Variants in XIRP2 observed in about 807,000 individuals in gnomAD.
XIRP2 encodes the protein xin actin binding repeat containing 2.
In XIRP2, 236 loss-of-function variants were observed where a neutral mutation model predicts 277.0. That is an observed-to-expected ratio of 0.85 (90% CI 0.77 to 0.95). XIRP2 has a LOEUF of 0.95. XIRP2 is among the 40% of genes least tolerant of loss of function. XIRP2 has a pLI of 0.00. For missense variants in XIRP2, 4,640 were observed against 4,157.5 expected (o/e 1.12, Z -3.19); for synonymous variants, 1,490 against 1,416.5 (o/e 1.05, Z -1.17).
In XIRP2 at chr2:167,101,609, T is replaced by C. The variant is rs141848766; in HGVS notation, c.409-34300T>C. ...TCCTGAGTTACTTCACTTCGCATAA[T>C]GGTCTCCAATTCCATCCAGGTTGCT... On this transcript the variant is annotated intron_variant, in intron 2 of 10. Coordinates refer to ENST00000409195, the MANE Select transcript of XIRP2 (RefSeq NM_152381.6). 3.3e-3 allele frequency among the ~76,000 whole-genome samples: 503 copies of C among 152,328 alleles called. 2 individuals are homozygous for C. The highest frequency in any genetic ancestry group is 0.011 in the African/African-American group (475 of 41,586).
At chr2:166,946,435 G>A (rs1485125709) in intron 2 of XIRP2, among the ~76,000 whole-genome samples, 1 of 151,994 alleles carries the variant, frequency 6.6e-6, no homozygotes, top group African/African-American at 2.4e-5. Flanking sequence ...GATTTATTTT[G>A]TTACTCTGAT....
At chr2:167,086,061 G>A (rs1689932247) in intron 2 of XIRP2, among the ~76,000 whole-genome samples, 1 of 152,056 alleles carries the variant, frequency 6.6e-6, no homozygotes, top group Non-Finnish European at 1.5e-5. Context: ...ATTTTGGCAT[G>A]ATTTTGCAGC....
rs962594243 is a variant in XIRP2, at chr2:167,156,024, G to A, written c.562+19962G>A. On this transcript the variant is annotated intron_variant, in intron 3 of 10. Transcript: ENST00000409195. Reference sequence around the variant, plus strand: ...TGCTTCAAAGAGAATAAAATACCTAGGAATCCAACTTACAAGGGATGTGAA... The same window carrying A: ...TGCTTCAAAGAGAATAAAATACCTAAGAATCCAACTTACAAGGGATGTGAA... Among the ~76,000 whole-genome samples the A allele has an allele frequency of 9.3e-5, 14 of 150,320 alleles. 1 individual carries two copies. Among genetic ancestry groups the A allele is most frequent in the African/African-American group, 3.4e-4 (14 of 40,592 alleles).
intron 2 of XIRP2, among the ~76,000 whole-genome samples, chr2:166,974,476 T>C (rs1403285094): frequency 6.6e-6 from 1 of 152,074 alleles, no homozygotes; most frequent in Non-Finnish European, 1.5e-5. Flanking sequence ...TATACACATA[T>C]ATACATCTAT....
intron 3 of XIRP2, among the ~76,000 whole-genome samples, chr2:167,148,302 A>T (rs1483172847): frequency 6.6e-6 from 1 of 151,810 alleles, no homozygotes; most frequent in East Asian, 1.9e-4. Flanking sequence ...GAATCGCTTG[A>T]ACTCGGGAGG....
chr2:167,128,989 A>G (rs1691297191), intron 2 of XIRP2, among the ~76,000 whole-genome samples: 1 of 152,212 alleles, frequency 6.6e-6, no homozygotes, highest in African/African-American at 2.4e-5. Context: ...TTCCTGGAGG[A>G]GACTGCACTG....
intron 3 of XIRP2, among the ~76,000 whole-genome samples, chr2:167,183,349 A>G (rs1693069172): frequency 6.6e-6 from 1 of 152,194 alleles, no homozygotes; most frequent in Non-Finnish European, 1.5e-5. Context: ...TCAAGGACAA[A>G]TGCAACAAAG....
At position 166,914,255 on chromosome 2, in the gene XIRP2, T is replaced by C. The variant is rs186811636; in HGVS notation, c.408+10365T>C. Among the ~76,000 whole-genome samples, 13 of 152,326 alleles carry C rather than the reference T, an allele frequency of 8.5e-5. 2 individuals are homozygous for C. In the East Asian group the frequency reaches 2.5e-3, roughly 29 times the overall value. ...GGAAATGGATGCTCCCCAAGGGCTTTGGACACCTGGAGTTTAACCTGTGAA... is the reference window on the plus strand; with the variant it reads ...GGAAATGGATGCTCCCCAAGGGCTTCGGACACCTGGAGTTTAACCTGTGAA... On this transcript the variant is annotated intron_variant, in intron 2 of 10. Coordinates refer to ENST00000409195, the MANE Select transcript of XIRP2 (RefSeq NM_152381.6).
intron 2 of XIRP2, among the ~76,000 whole-genome samples, chr2:167,069,629 C>G (rs1410050085): frequency 1.3e-5 from 2 of 152,110 alleles, no homozygotes; most frequent in African/African-American, 4.8e-5. Flanking sequence ...GTCTCCCAAG[C>G]CCCTGCTGCC....
chr2:167,134,349 A>G (rs1691476660), intron 2 of XIRP2, among the ~76,000 whole-genome samples: 1 of 151,584 alleles, frequency 6.6e-6, no homozygotes, highest in South Asian at 2.1e-4. Context: ...TGTACATGTG[A>G]TGTATGTATA....
In XIRP2 at chr2:167,091,868, CA is replaced by C. The variant is rs1413717963; in HGVS notation, c.409-44039del. ...GTTCTCCTTCCTTTTCAGGGCTGGT[CA>C]ATTGTCAGGTCACGTTTCCTTTAGT... On this transcript the variant is annotated intron_variant, in intron 2 of 10. Coordinates refer to ENST00000409195, the MANE Select transcript of XIRP2 (RefSeq NM_152381.6). Among the ~76,000 whole-genome samples the C allele has an allele frequency of 6.6e-5, 10 of 152,082 alleles. 1 individual carries two copies. Among genetic ancestry groups the C allele is most frequent in the African/African-American group, 2.4e-4 (10 of 41,380 alleles).
At chr2:167,120,362 A>T (rs763771258) in intron 2 of XIRP2, among the ~76,000 whole-genome samples, 6 of 152,218 alleles carry the variant, frequency 3.9e-5, no homozygotes, top group Non-Finnish European at 5.9e-5. Context: ...TATCATCTAG[A>T]AAGAGCAAAT....
chr2:166,920,863 G>A (rs1685019501), intron 2 of XIRP2, among the ~76,000 whole-genome samples: 1 of 152,008 alleles, frequency 6.6e-6, no homozygotes, highest in Non-Finnish European at 1.5e-5. Context: ...TCAGTTGGTG[G>A]TTGAAAAAGA....
At chr2:167,257,540 C>T (rs953882069) in intron 10 of XIRP2, among the ~76,000 whole-genome samples, 11 of 151,934 alleles carry the variant, frequency 7.2e-5, no homozygotes, top group Admixed American at 1.3e-4. Context: ...GAAATTACAA[C>T]GCCTCACATA....
chr2:167,096,901 T>C (rs960586745), intron 2 of XIRP2, among the ~76,000 whole-genome samples: 2 of 152,204 alleles, frequency 1.3e-5, no homozygotes, highest in Non-Finnish European at 2.9e-5. Flanking sequence ...TGCACTGTGG[T>C]CTGAAAGGCT....
Position 167,246,127 on chromosome 2 carries a change from G to C in XIRP2, c.4735G>C (p.Asp1579His). Reference sequence around the variant, plus strand: ...CATCATTGAAGCTGATGAAATAGGGGATGTTCGAATGGCAAAATACAAGCT... The same window carrying C: ...CATCATTGAAGCTGATGAAATAGGGCATGTTCGAATGGCAAAATACAAGCT... ...GIIIEADEIG[D>H]VRMAKYKLMN... Residue 1579 changes from aspartate to histidine, a missense_variant, in exon 9 of 11, where the codon GAT becomes CAT. Transcript: ENST00000409195. 6.2e-7 allele frequency: 1 copy of C among 1,613,366 alleles called. No homozygotes were observed. The highest frequency in any genetic ancestry group is 8.5e-7 in the Non-Finnish European group (1 of 1,179,730).
At chr2:166,892,979 T>TACACACACACACAC (rs572313151) in intron 1 of XIRP2, among the ~76,000 whole-genome samples, 2 of 145,890 alleles carry the variant, frequency 1.4e-5, no homozygotes, top group African/African-American at 2.6e-5. Flanking sequence ...TATATATGTA[T>TACACACACACACAC]ATACACACAC....
At chr2:167,087,120 T>C (rs369008909) in intron 2 of XIRP2, among the ~76,000 whole-genome samples, 5 of 152,112 alleles carry the variant, frequency 3.3e-5, no homozygotes, top group Admixed American at 2.0e-4. Flanking sequence ...CATGGGTTTT[T>C]GGTGTGGATG....
intron 4 of XIRP2, among the ~76,000 whole-genome samples, chr2:167,213,392 A>T (rs973041837): frequency 6.6e-6 from 1 of 152,102 alleles, no homozygotes; most frequent in Admixed American, 6.5e-5. Flanking sequence ...TGTCTGTCCA[A>T]CTCCCAAAAT....
Sources: allele counts gnomAD v4.1 joint callset (sites outside exome capture counted in the v4.1 genomes callset), GRCh38; gene constraint gnomAD v4.1.1; transcripts MANE v1.5; gene names NCBI Gene and HGNC (gene_info 2026-07-23, HGNC 2026-07-21).